DOCK3: variants seen among roughly 807,000 people sequenced by gnomAD.
DOCK3 encodes the protein dedicator of cytokinesis 3.
Under a neutral mutation model 265.6 loss-of-function variants are expected in DOCK3, and 60 were observed. That is an observed-to-expected ratio of 0.23 (90% confidence interval 0.18 to 0.28). DOCK3 has a LOEUF of 0.28. DOCK3 is among the 10% of genes least tolerant of loss of function. The pLI, the probability that DOCK3 is intolerant of heterozygous loss-of-function variation, is 1.00. For missense variants in DOCK3, 1,981 were observed against 2,594.3 expected (o/e 0.76, Z 5.14); for synonymous variants, 881 against 938.0 (o/e 0.94, Z 1.11).
At chr3:50,862,988 G>T (rs1575389514) in intron 3 of DOCK3, among the ~76,000 whole-genome samples, 1 of 152,268 alleles carries the variant, frequency 6.6e-6, no homozygotes, top group South Asian at 2.1e-4. Flanking sequence ...GGTGGGAGAG[G>T]GCCCATTCTC....
At chr3:50,983,133 C>T (rs1010761378) in intron 5 of DOCK3, among the ~76,000 whole-genome samples, 1 of 152,108 alleles carries the variant, frequency 6.6e-6, no homozygotes, top group Non-Finnish European at 1.5e-5. Context: ...CTGCCTCGGC[C>T]CCCTCTGGAC....
At chr3:51,364,862 AC>A (rs2087017556) in intron 49 of DOCK3, among the ~76,000 whole-genome samples, 1 of 152,212 alleles carries the variant, frequency 6.6e-6, no homozygotes, top group Admixed American at 6.5e-5. Flanking sequence ...TGGTACCAGT[AC>A]CATGCTGTTT....
chr3:51,129,105 C>A (rs778639064), intron 9 of DOCK3, among the ~76,000 whole-genome samples: 127 of 152,188 alleles, frequency 8.3e-4, no homozygotes, highest in Non-Finnish European at 1.2e-3. Flanking sequence ...AGTCCCTGAC[C>A]ATCCAGCCAA....
At chr3:51,211,315 A>G (rs2089486513) in intron 13 of DOCK3, among the ~76,000 whole-genome samples, 2 of 152,062 alleles carry the variant, frequency 1.3e-5, no homozygotes, top group African/African-American at 4.8e-5. Context: ...AATCAGTGAG[A>G]CCAGATTAAC....
chr3:51,016,719 T>TAATATATA (rs2079305836), intron 5 of DOCK3, among the ~76,000 whole-genome samples: 1 of 67,288 alleles, frequency 1.5e-5, no homozygotes, highest in Non-Finnish European at 2.3e-5. Flanking sequence ...TATATCAATA[T>TAATATATA]AATATATATG....
At chr3:51,327,940 C>A (rs1054607865) in intron 32 of DOCK3, among the ~76,000 whole-genome samples, 1 of 152,136 alleles carries the variant, frequency 6.6e-6, no homozygotes, top group African/African-American at 2.4e-5. Context: ...CCTCAGCCTT[C>A]CAAAGTGCTG....
At chr3:51,090,759 C>T (rs1409666662) in intron 9 of DOCK3, among the ~76,000 whole-genome samples, 1 of 152,108 alleles carries the variant, frequency 6.6e-6, no homozygotes, top group Admixed American at 6.5e-5. Flanking sequence ...CCTTGGCTTG[C>T]TGCATGTGGA....
chr3:50,716,713 A>C (rs1016035518), intron 1 of DOCK3, among the ~76,000 whole-genome samples: 106 of 151,844 alleles, frequency 7.0e-4, no homozygotes, highest in Non-Finnish European at 2.9e-4. Flanking sequence ...GATCTTTGGA[A>C]CCTAAATTAG....
At chr3:51,044,939 T>C (rs1356230434) in intron 5 of DOCK3, among the ~76,000 whole-genome samples, 1 of 152,176 alleles carries the variant, frequency 6.6e-6, no homozygotes, top group African/African-American at 2.4e-5. Context: ...GTCATTTTGG[T>C]TGACTACCCA....
chr3:50,784,599 G>A (rs1481150084), intron 2 of DOCK3, among the ~76,000 whole-genome samples: 4 of 152,152 alleles, frequency 2.6e-5, no homozygotes, highest in Non-Finnish European at 4.4e-5. Context: ...ACTGCTTTTG[G>A]CAGTGTGTTC....
intron 14 of DOCK3, among the ~76,000 whole-genome samples, chr3:51,223,987 G>C (rs1217343207): frequency 6.6e-6 from 1 of 152,312 alleles, no homozygotes; most frequent in African/African-American, 2.4e-5. Context: ...TAAGATTCCA[G>C]ACTCATCAGA....
At chr3:50,896,847 G>T (rs555161121) in intron 4 of DOCK3, among the ~76,000 whole-genome samples, 1 of 152,144 alleles carries the variant, frequency 6.6e-6, no homozygotes, top group African/African-American at 2.4e-5. Context: ...CCATTGGTCT[G>T]TATATCTGTT....
intron 1 of DOCK3, among the ~76,000 whole-genome samples, chr3:50,745,313 T>A (rs1482916520): frequency 6.6e-6 from 1 of 152,106 alleles, no homozygotes; most frequent in African/African-American, 2.4e-5. Context: ...CCCAAAGTGC[T>A]GGGATGACAG....
intron 27 of DOCK3, among the ~76,000 whole-genome samples, chr3:51,309,244 A>G (rs1214477516): frequency 1.3e-5 from 2 of 152,160 alleles, no homozygotes; most frequent in Non-Finnish European, 2.9e-5. Flanking sequence ...GCTGGGAGGT[A>G]GAGGTTGTAG....
At chr3:50,839,455 A>G (rs2045695276) in intron 2 of DOCK3, among the ~76,000 whole-genome samples, 2 of 152,168 alleles carry the variant, frequency 1.3e-5, no homozygotes. Flanking sequence ...ATTTCCATCA[A>G]GAGTGAATGA....
At chr3:51,013,271 C>T (rs578084651) in intron 5 of DOCK3, among the ~76,000 whole-genome samples, 13 of 152,258 alleles carry the variant, frequency 8.5e-5, no homozygotes, top group Admixed American at 7.9e-4. Flanking sequence ...CTGGTTTCTC[C>T]CCATCTTTGT....
chr3:51,096,460 G>A (rs532031371), intron 9 of DOCK3, among the ~76,000 whole-genome samples: 5 of 151,974 alleles, frequency 3.3e-5, no homozygotes, highest in South Asian at 2.1e-4. Context: ...TATGCTTCAC[G>A]AAGTGAAGCT....
intron 9 of DOCK3, among the ~76,000 whole-genome samples, chr3:51,124,546 G>A (rs2084177351): frequency 6.6e-6 from 1 of 152,198 alleles, no homozygotes; most frequent in Non-Finnish European, 1.5e-5. Flanking sequence ...TGAGTGCACA[G>A]AATATCAAGA....
intron 1 of DOCK3, among the ~76,000 whole-genome samples, chr3:50,711,806 T>C (rs920744278): frequency 9.2e-5 from 14 of 152,184 alleles, no homozygotes; most frequent in Admixed American, 3.9e-4. Context: ...GGCTGTGCTT[T>C]TCTGGGCTGT....
Sources: gnomAD v4.1 joint callset for allele counts (sites outside exome capture counted in the v4.1 genomes callset) on GRCh38, gnomAD v4.1.1 for gene constraint, MANE v1.5 for transcripts, NCBI Gene and HGNC (gene_info 2026-07-23, HGNC 2026-07-21) for gene names.